Variants in ENOX1 observed in about 807,000 individuals in gnomAD.
ENOX1 encodes candidate growth-related and time keeping constitutive hydroquinone (NADH) oxidase.
In ENOX1, 42 loss-of-function variants were observed where a neutral mutation model predicts 82.5. That is an observed-to-expected ratio of 0.51 (90% CI 0.40 to 0.66). The LOEUF is 0.66. Among genes scored for constraint, ENOX1 ranks in the 30% least tolerant of loss-of-function variants. The pLI, the probability that ENOX1 is intolerant of heterozygous loss-of-function variation, is 0.00. For synonymous variants in ENOX1, 271 were observed against 282.2 expected (o/e 0.96, Z 0.40); for missense variants, 608 against 811.6 (o/e 0.75, Z 3.05).
chr13:43,754,264 TAC>T (rs200368478), intron 1 of ENOX1, among the ~76,000 whole-genome samples: 4,438 of 147,984 alleles, frequency 0.03, 89 homozygotes, highest in Non-Finnish European at 0.047. Context: ...TATACATATA[TAC>T]ACACACACAT....
intron 2 of ENOX1, among the ~76,000 whole-genome samples, chr13:43,487,784 ATGTAC>A (rs1490955556): frequency 6.6e-6 from 1 of 152,204 alleles, no homozygotes; most frequent in African/African-American, 2.4e-5. Context: ...TAATATAAAG[ATGTAC>A]TGTATTTTAC....
intron 5 of ENOX1, among the ~76,000 whole-genome samples, chr13:43,371,700 CATT>C (rs1435539883): frequency 6.6e-6 from 1 of 152,112 alleles, no homozygotes; most frequent in South Asian, 2.1e-4. Context: ...TCAAAGAAAA[CATT>C]CACATCATAT....
At chr13:43,354,277 G>C (rs891903126) in intron 8 of ENOX1, among the ~76,000 whole-genome samples, 5 of 152,176 alleles carry the variant, frequency 3.3e-5, no homozygotes, top group African/African-American at 1.2e-4. Flanking sequence ...CTTTATTAAA[G>C]GCACAGCCAT....
intron 3 of ENOX1, among the ~76,000 whole-genome samples, chr13:43,445,216 T>C (rs1039719787): frequency 3.3e-4 from 50 of 150,480 alleles, no homozygotes; most frequent in African/African-American, 6.8e-4. Flanking sequence ...CTCCACCTCC[T>C]GGGTTCACAC....
intron 2 of ENOX1, among the ~76,000 whole-genome samples, chr13:43,562,401 A>G (rs1352690044): frequency 6.6e-6 from 1 of 152,152 alleles, no homozygotes; most frequent in Non-Finnish European, 1.5e-5. Flanking sequence ...TTAAAAAGCA[A>G]GAAATCAAAA....
chr13:43,371,080 ATTAATTT>A (rs1227742806), intron 5 of ENOX1, among the ~76,000 whole-genome samples: 1 of 152,122 alleles, frequency 6.6e-6, no homozygotes, highest in Non-Finnish European at 1.5e-5. Context: ...TTAGCCGATG[ATTAATTT>A]TCTTTCTGTA....
intron 1 of ENOX1, among the ~76,000 whole-genome samples, chr13:43,676,434 A>G (rs1305732200): frequency 6.6e-6 from 1 of 152,174 alleles, no homozygotes; most frequent in Non-Finnish European, 1.5e-5. Context: ...TTTTTCATCT[A>G]CCAGGCTCTC....
intron 3 of ENOX1, among the ~76,000 whole-genome samples, chr13:43,470,873 A>G (rs962160022): frequency 6.6e-6 from 1 of 152,168 alleles, no homozygotes; most frequent in Non-Finnish European, 1.5e-5. Flanking sequence ...GACTGCACCA[A>G]ATATGGGTGA....
rs571236002 is a variant in ENOX1 at position 43,452,437 on chromosome 13, C to G, written c.-75+31572G>C. Among the ~76,000 whole-genome samples, 9 of 152,308 alleles carry G rather than the reference C, an allele frequency of 5.9e-5. 1 individual carries two copies. Among genetic ancestry groups the G allele is most frequent in the Admixed American group, 5.9e-4 (9 of 15,294 alleles). On this transcript the variant is annotated intron_variant, in intron 3 of 16. Transcript: ENST00000690772. ...CTTTCCAGCTTCATCCATGTCCCTG[C>G]AAAGAACATGAACTCATCCTTTTTA... is the stretch of plus-strand genomic sequence containing the variant.
intron 3 of ENOX1, among the ~76,000 whole-genome samples, chr13:43,470,151 C>T: frequency 6.7e-6 from 1 of 148,768 alleles, no homozygotes; most frequent in South Asian, 2.1e-4. Flanking sequence ...ACATAAAAAG[C>T]TACAACTGTA....
intron 2 of ENOX1, among the ~76,000 whole-genome samples, chr13:43,599,185 C>T (rs1158049058): frequency 6.6e-6 from 1 of 152,046 alleles, no homozygotes; most frequent in East Asian, 1.9e-4. Flanking sequence ...ACTATTCACA[C>T]CCAAAAAGCA....
intron 2 of ENOX1, among the ~76,000 whole-genome samples, chr13:43,655,780 G>A (rs1418979704): frequency 6.6e-6 from 1 of 152,102 alleles, no homozygotes; most frequent in Non-Finnish European, 1.5e-5. Flanking sequence ...CCAGATAGCA[G>A]GACAAACTCT....
chr13:43,362,820 G>A (rs1338958645), intron 5 of ENOX1, among the ~76,000 whole-genome samples: 1 of 152,218 alleles, frequency 6.6e-6, no homozygotes, highest in African/African-American at 2.4e-5. Context: ...AATAAACAAT[G>A]TGATTCTGAT....
At chr13:43,425,076 G>A (rs1044930192) in intron 3 of ENOX1, among the ~76,000 whole-genome samples, 1 of 152,140 alleles carries the variant, frequency 6.6e-6, no homozygotes, top group Non-Finnish European at 1.5e-5. Flanking sequence ...GAGGCTAGAG[G>A]CAGATTAGGG....
rs2153560327 is a variant in ENOX1, at chr13:43,361,443, C to T, written c.218G>A (p.Cys73Tyr). The stretch of plus-strand genomic sequence containing the variant: ...GAGGCTTGGATCAAAGCCTGGGACA[C>T]AGATTGAGTCTGTAAAGTATACAAG... ...PGQQLVSDSI[C>Y]VPGFDPSLNM... The change falls in exon 6 of 17, where the codon TGT (cysteine) becomes TAT (tyrosine). Residue 73 changes from cysteine to tyrosine, a missense_variant. Transcript: ENST00000690772. 1 of 1,610,778 alleles carries T rather than the reference C, an allele frequency of 6.2e-7. No individual in the cohort carries two copies. The highest frequency in any genetic ancestry group is 1.7e-4 in the Middle Eastern group (1 of 6,056).
chr13:43,622,920 G>A (rs2082803314), intron 2 of ENOX1, among the ~76,000 whole-genome samples: 1 of 152,088 alleles, frequency 6.6e-6, no homozygotes, highest in African/African-American at 2.4e-5. Context: ...CTTTCCTTGG[G>A]AGGGTCTTGC....
chr13:43,749,757 GAGTA>G (rs761723192), intron 1 of ENOX1, among the ~76,000 whole-genome samples: 4 of 152,176 alleles, frequency 2.6e-5, no homozygotes, highest in Non-Finnish European at 5.9e-5. Flanking sequence ...TAAGGTAGTT[GAGTA>G]ATTAGTAACT....
intron 12 of ENOX1, among the ~76,000 whole-genome samples, chr13:43,280,735 T>G (rs2045329027): frequency 6.6e-6 from 1 of 152,222 alleles, no homozygotes. Flanking sequence ...GATTACAATA[T>G]TCCCAATTTT....
intron 1 of ENOX1, among the ~76,000 whole-genome samples, chr13:43,781,466 C>T (rs548619280): frequency 6.6e-6 from 1 of 152,088 alleles, no homozygotes; most frequent in East Asian, 1.9e-4. Flanking sequence ...ATTATTTTTA[C>T]TTGAAAAACT....
Sources: gnomAD v4.1 joint callset for allele counts (sites outside exome capture counted in the v4.1 genomes callset) on GRCh38, gnomAD v4.1.1 for gene constraint, MANE v1.5 for transcripts, NCBI Gene and HGNC (gene_info 2026-07-23, HGNC 2026-07-21) for gene names.